Variants in ANKS1A observed in about 807,000 individuals in gnomAD.
ANKS1A encodes the protein ankyrin repeat and sterile alpha motif domain containing 1A.
A neutral mutation model predicts 120.3 loss-of-function variants in ANKS1A; 55 were observed. That is an observed-to-expected ratio of 0.46 (90% CI 0.37 to 0.57). The LOEUF (loss-of-function observed/expected upper bound fraction) is 0.57. ANKS1A is among the 20% of genes least tolerant of loss of function. The probability of loss-of-function intolerance (pLI) is 0.00; values close to 1 mark genes in which losing one functional copy is unlikely to be tolerated. For missense variants in ANKS1A, 1,123 were observed against 1,480.3 expected, an observed-to-expected ratio of 0.76 and a Z score of 3.96; for synonymous variants, 590 against 604.7, an observed-to-expected ratio of 0.98 and a Z score of 0.36.
Position 35,086,070 on chromosome 6 carries a change from G to A in ANKS1A, c.3303+134G>A. 7.5e-7 allele frequency: 1 copy of A among 1,334,270 alleles called. No individual in the cohort carries two copies. The allele number at this position is 1,334,270 out of a possible 1,614,324, so 82.7% of individuals were successfully genotyped here. ...CTCCAGGGAAATGACCCTCTTAATT[G>A]TCCCCCAACCCTGCCAGGTCTCGCC... On this transcript the variant is annotated intron_variant, in intron 22 of 23. Transcript: ENST00000360359. This position sits in a 1 kb window ranked among gnomAD's most constrained non-coding sequence, Gnocchi z 5.1.
intron 11 of ANKS1A, among the ~76,000 whole-genome samples, chr6:35,025,561 G>A (rs1774582437): frequency 1.3e-5 from 2 of 152,028 alleles, no homozygotes; most frequent in Non-Finnish European, 2.9e-5. Flanking sequence ...TCCCACCGAT[G>A]CATTTCCCCA....
At position 35,060,422 on chromosome 6, in the gene ANKS1A, C is replaced by T. The variant is rs1162188550; in HGVS notation, c.2184+169C>T. Among the ~76,000 whole-genome samples, 1 of 152,196 alleles carries T rather than the reference C, an allele frequency of 6.6e-6. No homozygotes were observed. The highest frequency in any genetic ancestry group is 2.4e-5 in the African/African-American group (1 of 41,446). ...AGGAAGTCAGCCAGGTGGTATGTGC[C>T]TTCTTCCCAAACTGTCCCTCTCCCT... On this transcript the variant is annotated intron_variant, in intron 13 of 23. Transcript: ENST00000360359. This position sits in a 1 kb window ranked among gnomAD's most constrained non-coding sequence, Gnocchi z 4.5.
At chr6:35,000,893 T>A (rs903390672) in intron 10 of ANKS1A, among the ~76,000 whole-genome samples, 1 of 152,038 alleles carries the variant, frequency 6.6e-6, no homozygotes, top group African/African-American at 2.4e-5. Context: ...AAAAAAAAAA[T>A]TCTGTGTGTA....
chr6:35,083,855 C>T (rs898288116), intron 20 of ANKS1A, among the ~76,000 whole-genome samples: 1 of 152,204 alleles, frequency 6.6e-6, no homozygotes, highest in African/African-American at 2.4e-5. Context: ...ACTTTGCCCC[C>T]ACCCTGGAAG....
At chr6:35,070,093 C>A (rs2127597828) in intron 13 of ANKS1A, among the ~76,000 whole-genome samples, 1 of 150,692 alleles carries the variant, frequency 6.6e-6, no homozygotes, top group East Asian at 2.0e-4. Flanking sequence ...AACTCCTGGG[C>A]CCAGGAGGCA....
At chr6:34,961,326 A>G (rs781217216) in intron 1 of ANKS1A, among the ~76,000 whole-genome samples, 1 of 152,120 alleles carries the variant, frequency 6.6e-6, no homozygotes, top group Non-Finnish European at 1.5e-5. Flanking sequence ...GGATGTTACT[A>G]CCATCCTGTC....
chr6:34,977,163 C>A (rs1013163147), intron 3 of ANKS1A, among the ~76,000 whole-genome samples: 1 of 152,126 alleles, frequency 6.6e-6, no homozygotes, highest in African/African-American at 2.4e-5. Context: ...GAGCACAGGG[C>A]AGTTGTTTTG....
chr6:34,994,122 G>A (rs961956664), intron 9 of ANKS1A, among the ~76,000 whole-genome samples, 180 bp from the exon 10 acceptor site: 5 of 152,112 alleles, frequency 3.3e-5, no homozygotes, highest in East Asian at 3.9e-4. Flanking sequence ...TCAGATTGGA[G>A]GTATGGATAT....
At chr6:35,004,327 A>G (rs1490592173) in intron 10 of ANKS1A, among the ~76,000 whole-genome samples, 3 of 152,090 alleles carry the variant, frequency 2.0e-5, no homozygotes, top group Admixed American at 2.0e-4. Flanking sequence ...GAAATTTTTT[A>G]AATTACATTT....
intron 11 of ANKS1A, among the ~76,000 whole-genome samples, chr6:35,051,503 C>G (rs555828299): frequency 2.9e-4 from 44 of 152,206 alleles, no homozygotes; most frequent in Non-Finnish European, 4.9e-4. Context: ...CTTTCCTTCC[C>G]CAGCACGCTG....
intron 11 of ANKS1A, among the ~76,000 whole-genome samples, chr6:35,030,844 C>T (rs532659914): frequency 6.6e-6 from 1 of 152,340 alleles, no homozygotes; most frequent in South Asian, 2.1e-4. Flanking sequence ...CCAGTTTCTT[C>T]TCTCTCACCT....
intron 11 of ANKS1A, among the ~76,000 whole-genome samples, chr6:35,019,428 G>A (rs576648657): frequency 1.2e-4 from 18 of 152,172 alleles, no homozygotes; most frequent in Non-Finnish European, 2.5e-4. Context: ...AACTGGGTTG[G>A]GGGTGGGGGC....
chr6:35,010,162 T>G (rs1442577631), intron 10 of ANKS1A, among the ~76,000 whole-genome samples: 1 of 151,846 alleles, frequency 6.6e-6, no homozygotes, highest in African/African-American at 2.4e-5. Context: ...TGAGACCCTA[T>G]CTCCAAAATA....
chr6:34,891,089 A>G (rs1432220002), intron 1 of ANKS1A, among the ~76,000 whole-genome samples: 1 of 152,212 alleles, frequency 6.6e-6, no homozygotes, highest in African/African-American at 2.4e-5. Context: ...GAACAGAGAC[A>G]TCATTTAGGG....
Position 34,998,860 on chromosome 6 carries a change from C to T in ANKS1A, c.1423+4438C>T, listed in dbSNP as rs543685365. ...ATTTCTTGGTTCCCTGACCAGGAAG[C>T]GAGGTGATTAACGGATGGTTGAGGC... On this transcript the variant is annotated intron_variant, in intron 10 of 23. Coordinates refer to ENST00000360359, the MANE Select transcript of ANKS1A (RefSeq NM_015245.3). Among the ~76,000 whole-genome samples, 10 of 152,280 alleles carry T rather than the reference C, an allele frequency of 6.6e-5. No individual in the cohort carries two copies. In the South Asian group the frequency reaches 1.5e-3, roughly 22 times the overall value.
intron 1 of ANKS1A, among the ~76,000 whole-genome samples, chr6:34,918,759 AT>A (rs924158100): frequency 4.6e-5 from 7 of 150,648 alleles, no homozygotes; most frequent in Non-Finnish European, 7.4e-5. Flanking sequence ...CACACATGAA[AT>A]TTTTTTTTTA....
intron 20 of ANKS1A, 138 bp from the exon 21 acceptor site, chr6:35,083,983 A>C (rs1777824396): frequency 1.4e-6 from 2 of 1,382,002 alleles, no homozygotes; most frequent in Admixed American, 4.4e-5. Flanking sequence ...ACCAATAAAC[A>C]AAATGAGAAG....
At chr6:34,972,570 C>G in intron 3 of ANKS1A, 1 of 984,860 alleles carries the variant, frequency 1.0e-6, no homozygotes, top group Non-Finnish European at 1.2e-6. Flanking sequence ...CTTTTCCTCT[C>G]CTTTTTGTAG....
At position 34,989,088 on chromosome 6, in the gene ANKS1A, G is replaced by A. The variant is rs1045772991; in HGVS notation, c.1210-136G>A. 29 of 660,848 alleles carry A rather than the reference G, an allele frequency of 4.4e-5. 1 individual carries two copies. Among genetic ancestry groups the A allele is most frequent in the Middle Eastern group, 5.7e-4 (2 of 3,522 alleles). The allele number at this position is 660,848 out of a possible 1,614,324, so 40.9% of individuals were successfully genotyped here. ...CAGAGTTCTCCATCTGTTCAGAGAC[G>A]AAACCTTGACTTTAGTCTCTCAGGG... On this transcript the variant is annotated intron_variant, in intron 8 of 23. Coordinates refer to ENST00000360359, the MANE Select transcript of ANKS1A (RefSeq NM_015245.3).
Sources: gnomAD v4.1 joint callset for allele counts (sites outside exome capture counted in the v4.1 genomes callset) on GRCh38, gnomAD v4.1.1 for gene constraint, Gnocchi (gnomAD v3.1) non-coding constraint, MANE v1.5 for transcripts, NCBI Gene and HGNC (gene_info 2026-07-23, HGNC 2026-07-21) for gene names.